ENPEP: variants seen among roughly 807,000 people sequenced by gnomAD.
The protein encoded by ENPEP is AP-A.
Under a neutral mutation model 114.5 loss-of-function variants are expected in ENPEP, and 103 were observed. That is an observed-to-expected ratio of 0.90 (90% confidence interval 0.77 to 1.06). ENPEP has a LOEUF of 1.06. Ranked by LOEUF, ENPEP falls within the 50% of genes least tolerant of loss-of-function variation. The pLI is 0.00. For missense variants in ENPEP, 1,196 were observed against 1,161.3 expected, an observed-to-expected ratio of 1.03 and a Z score of -0.43; for synonymous variants, 420 against 422.0, an observed-to-expected ratio of 1.00 and a Z score of 0.06.
rs557359795 is a variant in ENPEP, at chr4:110,484,178, G to A, written c.645-4363G>A. Reference sequence around the variant, plus strand: ...ATGAGGTATATCCTAACCACATTATGTAAATTTTAAGGGAGTTTCAAATGT... The same window carrying A: ...ATGAGGTATATCCTAACCACATTATATAAATTTTAAGGGAGTTTCAAATGT... On this transcript the variant is annotated intron_variant, in intron 1 of 19. Transcript: ENST00000265162. 1.2e-4 allele frequency among the ~76,000 whole-genome samples: 19 copies of A among 152,222 alleles called. No individual in the cohort carries two copies. The South Asian group carries it at 3.7e-3, about 30-fold the overall frequency.
rs114656794 is a variant in ENPEP, at chr4:110,529,628, C to T, written c.1728-1570C>T. On this transcript the variant is annotated intron_variant, in intron 10 of 19. Transcript: ENST00000265162. Reference sequence around the variant, plus strand: ...GGGCAGGAAGCATTCTCACACCTGTCACTCACTGTTAAGGGCCACATCCAG... The same window carrying T: ...GGGCAGGAAGCATTCTCACACCTGTTACTCACTGTTAAGGGCCACATCCAG... Among the ~76,000 whole-genome samples, 1,143 of 152,288 alleles carry T rather than the reference C, an allele frequency of 7.5e-3. 14 individuals are homozygous for T. The highest frequency in any genetic ancestry group is 0.026 in the African/African-American group (1,086 of 41,550).
At position 110,542,841 on chromosome 4, in the gene ENPEP, T is replaced by C. The variant is rs1357809977; in HGVS notation, c.1898T>C (p.Val633Ala). The C allele has an allele frequency of 6.2e-7, 1 of 1,613,236 alleles. No homozygotes were observed. The highest frequency in any genetic ancestry group is 2.2e-5 in the East Asian group (1 of 44,848). The change falls in exon 12 of 20, where the codon GTA becomes GCA. Residue 633 changes from valine to alanine, a missense_variant. By Grantham distance (64) the Val-to-Ala change is moderately conservative. Coordinates refer to ENST00000265162, the MANE Select transcript of ENPEP (RefSeq NM_001977.4). ...GGGTTTTATCGTGTAAATTATGAAG[T>C]AGCAACTTGGGACTCGATAGCTACA... ...HIGFYRVNYE[V>A]ATWDSIATAL...
Position 110,520,358 on chromosome 4 carries a change from A to G in ENPEP, c.1719A>G (p.Ser573=). The G allele has an allele frequency of 6.2e-7, 1 of 1,614,030 alleles. No homozygotes were observed. The highest frequency in any genetic ancestry group is 8.5e-7 in the Non-Finnish European group (1 of 1,179,934). ...DPRANPSQPP[S]DLGYTWNIPV... ...GAGCTAACCCTTCTCAGCCCCCTTC[A>G]GATCTTGGGTAAGGCTCTATAATGC... The change falls in exon 10 of 20, where the codon TCA becomes TCG. Residue 573 remains serine (S), a synonymous_variant. Transcript: ENST00000265162.
At position 110,553,388 on chromosome 4, in the gene ENPEP, T is replaced by C. The variant is rs752609980; in HGVS notation, c.2575T>C (p.Tyr859His). 5.6e-6 allele frequency: 9 copies of C among 1,611,530 alleles called. No homozygotes were observed. The African/African-American group carries it at 1.2e-4, about 22-fold the overall frequency. ...GTTTACAGTCATTCGATATATCTCA[T>C]ATAACAGCTATGGGAAGAACATGGC... ...DVFTVIRYIS[Y>H]NSYGKNMAWN... The change falls in exon 18 of 20, where the codon TAT (tyrosine) becomes CAT (histidine). Residue 859 changes from tyrosine (Y) to histidine (H), a missense_variant. Tyr to His is a moderately conservative substitution (Grantham distance 83). Transcript: ENST00000265162.
chr4:110,522,437 T>A (rs1245285905), intron 10 of ENPEP, among the ~76,000 whole-genome samples: 1 of 152,140 alleles, frequency 6.6e-6, no homozygotes, highest in Non-Finnish European at 1.5e-5. Context: ...CACATTGGCC[T>A]TCCAAACTCC....
intron 14 of ENPEP, among the ~76,000 whole-genome samples, chr4:110,548,780 T>C (rs1376015473): frequency 6.6e-6 from 1 of 152,066 alleles, no homozygotes; most frequent in African/African-American, 2.4e-5. Flanking sequence ...TGCTTTGTGA[T>C]TTCTGTAGCA....
chr4:110,515,339 C>A (rs777657155), intron 7 of ENPEP, 38 bp from the exon 8 acceptor site: 1 of 1,526,144 alleles, frequency 6.6e-7, no homozygotes, highest in Non-Finnish European at 9.1e-7. Flanking sequence ...CTTACATAGC[C>A]TTTATTAGTT....
At chr4:110,519,085 GGTAGTGCC>G (rs1312207155) in intron 8 of ENPEP, 2 of 455,606 alleles carry the variant, frequency 4.4e-6, no homozygotes, top group Non-Finnish European at 8.8e-6. Context: ...GCCCTCTGGT[GGTAGTGCC>G]AAGAAGTGAA....
intron 11 of ENPEP, among the ~76,000 whole-genome samples, chr4:110,542,054 T>G (rs1193630847): frequency 6.6e-6 from 1 of 152,118 alleles, no homozygotes; most frequent in Non-Finnish European, 1.5e-5. Context: ...GATAAATCCA[T>G]TGATGGAAAA....
chr4:110,538,664 A>T (rs1322339244), intron 11 of ENPEP, among the ~76,000 whole-genome samples: 1 of 152,236 alleles, frequency 6.6e-6, no homozygotes, highest in East Asian at 1.9e-4. Flanking sequence ...ACTGTGTGGT[A>T]CAAGAGGCCT....
In ENPEP at chr4:110,482,046, C is replaced by T. The variant is rs142125512; in HGVS notation, c.644+4988C>T. ...TAGATATCACTGAGGAAAACCCTTA[C>T]GGAGGAAAAGGAAAAATAGCCATGA... On this transcript the variant is annotated intron_variant, in intron 1 of 19. Transcript: ENST00000265162. Among the ~76,000 whole-genome samples, 584 of 152,074 alleles carry T rather than the reference C, an allele frequency of 3.8e-3. 5 individuals are homozygous for T. The highest frequency in any genetic ancestry group is 0.011 in the African/African-American group (471 of 41,468).
intron 10 of ENPEP, among the ~76,000 whole-genome samples, chr4:110,524,551 A>T (rs1429077829): frequency 3.3e-5 from 5 of 152,136 alleles, no homozygotes; most frequent in Admixed American, 6.5e-5. Flanking sequence ...TCTAATTAAA[A>T]TTTTTTCTAT....
At position 110,491,035 on chromosome 4, in the gene ENPEP, AG is replaced by A. The variant is rs1221539065; in HGVS notation, c.790del (p.Glu264LysfsTer19). The A allele has an allele frequency of 6.2e-7, 1 of 1,604,676 alleles. No homozygotes were observed. The highest frequency in any genetic ancestry group is 8.5e-7 in the Non-Finnish European group (1 of 1,177,822). On this transcript the variant is annotated frameshift_variant, in exon 3 of 20. Transcript: ENST00000265162. LOFTEE classifies it high-confidence loss of function. ...GALSNMPVAK[E>X]ESVDDKWTRT... is the part of the protein sequence containing the mutation. ...AGTTTATCTTTTCTTTTCAATAGAA[AG>A]AAGAGTCAGTGGATGATAAATGGAC...
chr4:110,545,556 G>A (rs187505297), intron 13 of ENPEP, among the ~76,000 whole-genome samples: 17 of 152,080 alleles, frequency 1.1e-4, no homozygotes, highest in East Asian at 3.9e-4. Flanking sequence ...CCGAGTCACC[G>A]TGCTGCCTCT....
rs576747609 is a variant in ENPEP at position 110,509,698 on chromosome 4, G to A, written c.1085G>A (p.Trp362Ter). 31 of 1,614,122 alleles carry A rather than the reference G, an allele frequency of 1.9e-5. No homozygotes were observed. The South Asian group carries it at 3.3e-4, about 17-fold the overall frequency. ...TTTGGCACTGGTGCCATGGAGAACT[G>A]GGGACTCATCACGTACAGAGAAACG... ...PDFGTGAMEN[W>*]GLITYRETNL... The change falls in exon 5 of 20, where the codon TGG becomes TAG. Residue 362 changes from tryptophan to a stop codon, truncating the protein, a stop_gained. Transcript: ENST00000265162. LOFTEE classifies it high-confidence loss of function.
In ENPEP at chr4:110,538,394, C is replaced by T. The variant is rs568404744; in HGVS notation, c.1808-4357C>T. 2.4e-4 allele frequency among the ~76,000 whole-genome samples: 37 copies of T among 152,174 alleles called. 1 individual carries two copies. The highest frequency in any genetic ancestry group is 5.0e-4 in the Non-Finnish European group (34 of 68,032). On this transcript the variant is annotated intron_variant, in intron 11 of 19. Coordinates refer to ENST00000265162, the MANE Select transcript of ENPEP (RefSeq NM_001977.4). ...CTTTCCTTAAACCTCAAGAACCAAC[C>T]TTTGCTAGCTTCCAGCTTTTCTTCT...
At chr4:110,555,024 C>A in intron 18 of ENPEP, among the ~76,000 whole-genome samples, 1 of 151,894 alleles carries the variant, frequency 6.6e-6, no homozygotes, top group Admixed American at 6.6e-5. Context: ...ATAGGTTTTG[C>A]CTTGTCATAA....
At chr4:110,560,461 A>G (rs1325491941) in intron 19 of ENPEP, among the ~76,000 whole-genome samples, 1 of 152,228 alleles carries the variant, frequency 6.6e-6, no homozygotes, top group Non-Finnish European at 1.5e-5. Context: ...TTATCTTGAT[A>G]AGTATACACA....
At chr4:110,547,565 T>TGAAA (rs1037517233) in intron 13 of ENPEP, among the ~76,000 whole-genome samples, 1 of 152,120 alleles carries the variant, frequency 6.6e-6, no homozygotes, top group Non-Finnish European at 1.5e-5. Flanking sequence ...AAAATTCTTT[T>TGAAA]GAAAGGGGAA....
Sources: allele counts gnomAD v4.1 joint callset (sites outside exome capture counted in the v4.1 genomes callset), GRCh38; gene constraint gnomAD v4.1.1; transcripts MANE v1.5; gene names NCBI Gene and HGNC (gene_info 2026-07-23, HGNC 2026-07-21).